Variants in CYP4F22 observed in about 807,000 individuals in gnomAD.
CYP4F22 encodes cytochrome P450 family 4 subfamily F member 22, also known as ultra-long-chain fatty acid omega-hydroxylase.
A neutral mutation model predicts 60.4 loss-of-function variants in CYP4F22; 37 were observed. That is an observed-to-expected ratio of 0.61 (90% CI 0.47 to 0.81). The LOEUF (loss-of-function observed/expected upper bound fraction) is 0.81, where lower values mean the gene tolerates loss of function less well. CYP4F22 is among the 30% of genes least tolerant of loss of function. The pLI is 0.00. For synonymous variants in CYP4F22, 258 were observed against 280.5 expected, an observed-to-expected ratio of 0.92 and a Z score of 0.80; for missense variants, 655 against 715.0, an observed-to-expected ratio of 0.92 and a Z score of 0.96.
intron 1 of CYP4F22, among the ~76,000 whole-genome samples, chr19:15,510,590 C>A (rs1241200122): frequency 6.6e-6 from 1 of 152,128 alleles, no homozygotes; most frequent in Non-Finnish European, 1.5e-5. Context: ...TGGGCAGAAA[C>A]AATTACAACC....
At chr19:15,538,137 C>G in intron 7 of CYP4F22, 144 bp downstream of exon 7, 1 of 1,148,462 alleles carries the variant, frequency 8.7e-7, no homozygotes, top group Non-Finnish European at 1.3e-6. Flanking sequence ...GGGAAACTGA[C>G]CATCTCTCTG....
At chr19:15,545,477 G>A (rs1343171676) in intron 10 of CYP4F22, among the ~76,000 whole-genome samples, 7 of 151,428 alleles carry the variant, frequency 4.6e-5, no homozygotes. Flanking sequence ...ACGAAACCCT[G>A]TCTCTACAAA....
intron 3 of CYP4F22, among the ~76,000 whole-genome samples, chr19:15,529,128 A>C (rs924490896): frequency 3.0e-5 from 1 of 33,134 alleles, no homozygotes; most frequent in Non-Finnish European, 5.0e-5. Context: ...TTCTTATTTT[A>C]TTTTATTTTT....
At chr19:15,518,484 C>CAAAA (rs56987005) in intron 1 of CYP4F22, among the ~76,000 whole-genome samples, 2 of 134,126 alleles carry the variant, frequency 1.5e-5, no homozygotes, top group Non-Finnish European at 1.6e-5. Flanking sequence ...ACCAAAAATA[C>CAAAA]AAAAAAAAAA....
At position 15,548,234 on chromosome 19, in the gene CYP4F22, C is replaced by T; in HGVS notation, c.1263C>T (p.Ile421=). The change falls in exon 11 of 14, where the codon ATC becomes ATT. Residue 421 remains isoleucine (I), a synonymous_variant. Transcript: ENST00000269703. The stretch of plus-strand genomic sequence containing the variant: ...TCAAGCTCCCAGATGGGCGCATCAT[C>T]CCCAAAGGTGCCTACCATGTTCCGC... ...EDIKLPDGRI[I]PKGIICLVSI... is the part of the protein sequence containing the mutation. 6.2e-7 allele frequency: 1 copy of T among 1,614,110 alleles called. No individual in the cohort carries two copies. Among genetic ancestry groups the T allele is most frequent in the African/African-American group, 1.3e-5 (1 of 75,038 alleles).
At chr19:15,529,878 A>G (rs373651579) in intron 4 of CYP4F22, 25 bp downstream of exon 4, 28 of 1,613,500 alleles carry the variant, frequency 1.7e-5, no homozygotes, top group Admixed American at 3.3e-5. Context: ...CCTCCGATCT[A>G]TGGTTGAGTC....
At chr19:15,516,667 C>A in intron 1 of CYP4F22, 1 of 462,986 alleles carries the variant, frequency 2.2e-6, no homozygotes, top group South Asian at 2.1e-5. Flanking sequence ...TATGGCTGAT[C>A]AGAGGCGGCT....
rs1170204077 is a variant in CYP4F22 at position 15,552,284 on chromosome 19, T to A, written c.*813T>A. On this transcript the variant is annotated 3_prime_UTR_variant, in exon 14 of 14. Transcript: ENST00000269703. ...CGGGCTAGGAGGCTGGAAAGCCATT[T>A]ATCCTAGGACATAAACTCAGATTTT... 2.6e-5 allele frequency: 4 copies of A among 152,264 alleles called. No homozygotes were observed. Among genetic ancestry groups the A allele is most frequent in the Admixed American group, 2.6e-4 (4 of 15,286 alleles). The allele number at this position is 152,264 out of a possible 1,614,324, so 9.4% of individuals were successfully genotyped here.
At chr19:15,526,865 C>T (rs1319921097) in intron 3 of CYP4F22, among the ~76,000 whole-genome samples, 1 of 152,002 alleles carries the variant, frequency 6.6e-6, no homozygotes, top group Non-Finnish European at 1.5e-5. Flanking sequence ...CTGCCTCAGC[C>T]TCCCAAGTAG....
At chr19:15,521,870 C>T (rs1230296444) in intron 1 of CYP4F22, among the ~76,000 whole-genome samples, 1 of 151,962 alleles carries the variant, frequency 6.6e-6, no homozygotes, top group African/African-American at 2.4e-5. Flanking sequence ...AGTGGCCGGG[C>T]GTGGTGGCTC....
chr19:15,524,744 T>C lies in CYP4F22; in HGVS notation c.-1-592T>C, dbSNP rs529716069. On this transcript the variant is annotated intron_variant, in intron 2 of 13. Transcript: ENST00000269703. Reference sequence around the variant, plus strand: ...AAGTCCTGAAACTAGATGGAGGTGGTAGTTGCATTATATGTAAATGTACTC... The same window carrying C: ...AAGTCCTGAAACTAGATGGAGGTGGCAGTTGCATTATATGTAAATGTACTC... Among the ~76,000 whole-genome samples the C allele has an allele frequency of 2.7e-4, 41 of 152,256 alleles. No individual in the cohort carries two copies. The South Asian group carries it at 8.3e-3, about 31-fold the overall frequency.
At chr19:15,520,497 G>A (rs571905715) in intron 1 of CYP4F22, among the ~76,000 whole-genome samples, 2 of 151,398 alleles carry the variant, frequency 1.3e-5, no homozygotes, top group East Asian at 1.9e-4. Context: ...AAACTCCAGC[G>A]TAAACAATGA....
At chr19:15,529,687 G>C (rs377436971) in intron 3 of CYP4F22, 22 bp from the exon 4 acceptor site, 50 of 1,613,700 alleles carry the variant, frequency 3.1e-5, no homozygotes, top group Non-Finnish European at 3.5e-5. Flanking sequence ...CCTCCTCATT[G>C]CTCCTCCCTT....
At chr19:15,524,680 G>GAAAGAA (rs1555727641) in intron 2 of CYP4F22, among the ~76,000 whole-genome samples, 1 of 149,016 alleles carries the variant, frequency 6.7e-6, no homozygotes, top group Non-Finnish European at 1.5e-5. Flanking sequence ...GAGAGAGAGA[G>GAAAGAA]AGAAAGAAAG....
chr19:15,538,547 A>G (rs1472332418), intron 7 of CYP4F22, among the ~76,000 whole-genome samples: 4 of 152,206 alleles, frequency 2.6e-5, no homozygotes, highest in Non-Finnish European at 4.4e-5. Context: ...GCCTGGCACC[A>G]TGATATTGCT....
At chr19:15,510,967 T>TATATATATATATA (rs374989279) in intron 1 of CYP4F22, among the ~76,000 whole-genome samples, 1 of 52,710 alleles carries the variant, frequency 1.9e-5, no homozygotes, top group African/African-American at 9.2e-5. Context: ...TATATATATA[T>TATATATATATATA]TTTTTTTTTT....
At chr19:15,513,611 G>T (rs920465876) in intron 1 of CYP4F22, among the ~76,000 whole-genome samples, 2 of 151,770 alleles carry the variant, frequency 1.3e-5, no homozygotes, top group Non-Finnish European at 2.9e-5. Context: ...TGATCTGCCC[G>T]CCTCGGCCTC....
chr19:15,541,593 A>T (rs1218287899), intron 8 of CYP4F22, among the ~76,000 whole-genome samples: 2 of 152,032 alleles, frequency 1.3e-5, no homozygotes, highest in Non-Finnish European at 2.9e-5. Context: ...GAAATACATG[A>T]CCTTGGGCTG....
intron 2 of CYP4F22, 31 bp from the exon 3 acceptor site, chr19:15,525,305 G>A: frequency 6.2e-7 from 1 of 1,603,928 alleles, no homozygotes. Flanking sequence ...CTTGTGCATG[G>A]CACCGACCCC....
Sources: gnomAD v4.1 joint callset for allele counts (sites outside exome capture counted in the v4.1 genomes callset) on GRCh38, gnomAD v4.1.1 for gene constraint, MANE v1.5 for transcripts, NCBI Gene and HGNC (gene_info 2026-07-23, HGNC 2026-07-21) for gene names.